STX8: variants seen among roughly 807,000 people sequenced by gnomAD.
STX8 encodes the protein syntaxin 8.
A neutral mutation model predicts 37.5 loss-of-function variants in STX8; 23 were observed. The observed-to-expected ratio is 0.61, with a 90% CI of 0.44 to 0.87. The LOEUF (loss-of-function observed/expected upper bound fraction) is 0.87. Ranked by LOEUF, STX8 falls within the 40% of genes least tolerant of loss-of-function variation. The probability of loss-of-function intolerance (pLI) is 0.00; values close to 1 mark genes in which losing one functional copy is unlikely to be tolerated. For synonymous variants in STX8, 115 were observed against 99.1 expected (o/e 1.16, Z -0.95); for missense variants, 313 against 284.7 (o/e 1.10, Z -0.71).
intron 7 of STX8, among the ~76,000 whole-genome samples, chr17:9,340,291 C>G (rs1474627846): frequency 6.6e-6 from 1 of 152,258 alleles, no homozygotes; most frequent in Non-Finnish European, 1.5e-5. Context: ...AACATGCAGA[C>G]TCTCTGAGCA....
At position 9,529,072 on chromosome 17, in the gene STX8, G is replaced by A. The variant is rs184897694; in HGVS notation, c.323+16100C>T. Among the ~76,000 whole-genome samples, 6 of 152,256 alleles carry A rather than the reference G, an allele frequency of 3.9e-5. No homozygotes were observed. In the East Asian group the frequency reaches 1.2e-3, roughly 29 times the overall value. ...ACCGTTACAGAAAGAACTGGAGGGTGATATAATTCCTTTCCTAAAGTTAAG... is the reference window on the plus strand; with the variant it reads ...ACCGTTACAGAAAGAACTGGAGGGTAATATAATTCCTTTCCTAAAGTTAAG... On this transcript the variant is annotated intron_variant, in intron 4 of 7. Coordinates refer to ENST00000306357, the MANE Select transcript of STX8 (RefSeq NM_004853.3).
chr17:9,347,741 C>T (rs1483074269), intron 7 of STX8, among the ~76,000 whole-genome samples: 1 of 152,134 alleles, frequency 6.6e-6, no homozygotes, highest in Non-Finnish European at 1.5e-5. Context: ...GATTCTAGAA[C>T]TTTTCATCAG....
intron 7 of STX8, among the ~76,000 whole-genome samples, chr17:9,286,503 T>G (rs1179196850): frequency 6.6e-6 from 1 of 152,086 alleles, no homozygotes; most frequent in African/African-American, 2.4e-5. Flanking sequence ...TAAAAAAGGT[T>G]TGGTAGGGAG....
intron 6 of STX8, among the ~76,000 whole-genome samples, chr17:9,430,772 C>G (rs1913933378): frequency 6.6e-6 from 1 of 151,928 alleles, no homozygotes; most frequent in African/African-American, 2.4e-5. Flanking sequence ...GCCTCAACCT[C>G]CCAAGTAGCT....
chr17:9,342,057 A>G (rs1910377528), intron 7 of STX8, among the ~76,000 whole-genome samples: 2 of 151,844 alleles, frequency 1.3e-5, no homozygotes, highest in African/African-American at 2.4e-5. Context: ...CCTGGAGGGG[A>G]AGGGGGAGAT....
chr17:9,331,266 T>A (rs1291306808), intron 7 of STX8, among the ~76,000 whole-genome samples: 1 of 152,310 alleles, frequency 6.6e-6, no homozygotes, highest in East Asian at 1.9e-4. Flanking sequence ...TATTAAAAAA[T>A]TAATTATTAG....
Position 9,367,931 on chromosome 17 carries a change from C to T in STX8, c.643+10621G>A, listed in dbSNP as rs139868203. 8.5e-3 allele frequency among the ~76,000 whole-genome samples: 1,288 copies of T among 152,200 alleles called. 14 individuals are homozygous for T. The highest frequency in any genetic ancestry group is 0.029 in the African/African-American group (1,204 of 41,540). The stretch of plus-strand genomic sequence containing the variant: ...TTTTTAGTACAGACGGGGTTTTTGC[C>T]ATGTTGGTCAGGCTGGTCTCGAACT... On this transcript the variant is annotated intron_variant, in intron 7 of 7. Coordinates refer to ENST00000306357, the MANE Select transcript of STX8 (RefSeq NM_004853.3).
At chr17:9,416,951 G>A (rs778986045) in intron 6 of STX8, among the ~76,000 whole-genome samples, 17 of 152,018 alleles carry the variant, frequency 1.1e-4, no homozygotes, top group Non-Finnish European at 2.1e-4. Context: ...TTCCATTCTG[G>A]CAACCAACTG....
chr17:9,569,316 A>G (rs1907588246), intron 1 of STX8, among the ~76,000 whole-genome samples: 1 of 152,338 alleles, frequency 6.6e-6, no homozygotes, highest in Admixed American at 6.5e-5. Flanking sequence ...TGCTAAGAAG[A>G]AAAACGCAGC....
At chr17:9,330,694 C>T (rs974138616) in intron 7 of STX8, among the ~76,000 whole-genome samples, 4 of 152,192 alleles carry the variant, frequency 2.6e-5, no homozygotes, top group Non-Finnish European at 4.4e-5. Flanking sequence ...GAGCCTCGTT[C>T]GCACTCGCTC....
intron 7 of STX8, among the ~76,000 whole-genome samples, chr17:9,336,763 G>A (rs527957833): frequency 2.6e-5 from 4 of 152,174 alleles, no homozygotes; most frequent in African/African-American, 9.6e-5. Context: ...GGTATTTAGA[G>A]GGGTAGTAAA....
chr17:9,250,797 G>C (rs552786340), intron 7 of STX8, 152 bp from the exon 8 acceptor site: 1 of 760,188 alleles, frequency 1.3e-6, no homozygotes, highest in Non-Finnish European at 2.1e-6. Context: ...GGCCTGGGGC[G>C]CCGCTGCTGC....
chr17:9,322,239 G>C (rs951078134), intron 7 of STX8, among the ~76,000 whole-genome samples: 2 of 152,214 alleles, frequency 1.3e-5, no homozygotes, highest in Non-Finnish European at 2.9e-5. Context: ...TTCAACTCTA[G>C]GTCATTACAA....
At chr17:9,464,518 C>T (rs1358633156) in intron 6 of STX8, among the ~76,000 whole-genome samples, 1 of 152,158 alleles carries the variant, frequency 6.6e-6, no homozygotes, top group East Asian at 1.9e-4. Flanking sequence ...GGAGATCCAA[C>T]CATGATCACG....
At chr17:9,329,412 C>T (rs148712917) in intron 7 of STX8, among the ~76,000 whole-genome samples, 5 of 152,210 alleles carry the variant, frequency 3.3e-5, no homozygotes, top group African/African-American at 1.2e-4. Flanking sequence ...CTAAATCACT[C>T]GCTCTCTGGC....
intron 7 of STX8, among the ~76,000 whole-genome samples, chr17:9,287,436 CAGA>C (rs916398850): frequency 1.3e-5 from 2 of 152,090 alleles, no homozygotes; most frequent in African/African-American, 2.4e-5. Flanking sequence ...GCAACAGGCA[CAGA>C]AGAAGAAAGG....
intron 7 of STX8, among the ~76,000 whole-genome samples, chr17:9,365,522 C>A (rs150342017): frequency 1.3e-5 from 2 of 152,310 alleles, no homozygotes; most frequent in East Asian, 3.9e-4. Flanking sequence ...TAGCTGGTAG[C>A]TAATGAAGAC....
chr17:9,357,555 G>GT (rs1345407453), intron 7 of STX8, among the ~76,000 whole-genome samples: 3 of 151,982 alleles, frequency 2.0e-5, no homozygotes, highest in Non-Finnish European at 1.5e-5. Context: ...AAGTAGCTGA[G>GT]TATGGTGGTG....
At chr17:9,488,550 G>T (rs1906704803) in intron 6 of STX8, among the ~76,000 whole-genome samples, 6 of 152,130 alleles carry the variant, frequency 3.9e-5, no homozygotes, top group Admixed American at 3.9e-4. Context: ...GTAGAAGAGG[G>T]AGGCAGCAGT....
Sources: allele counts gnomAD v4.1 joint callset (sites outside exome capture counted in the v4.1 genomes callset), GRCh38; gene constraint gnomAD v4.1.1; transcripts MANE v1.5; gene names NCBI Gene and HGNC (gene_info 2026-07-23, HGNC 2026-07-21).